NRXN1: variants seen among roughly 807,000 people sequenced by gnomAD.
NRXN1 encodes the protein neurexin 1.
In NRXN1, 39 loss-of-function variants were observed where a neutral mutation model predicts 150.9. That is an observed-to-expected ratio of 0.26 (90% confidence interval 0.20 to 0.34). The LOEUF is 0.34. Among genes scored for constraint, NRXN1 ranks in the 10% least tolerant of loss-of-function variants. NRXN1 has a pLI of 1.00. For missense variants in NRXN1, 1,815 were observed against 1,949.9 expected (o/e 0.93, Z 1.30); for synonymous variants, 924 against 757.0 (o/e 1.22, Z -3.62).
chr2:50,305,650 T>C (rs1296243571), intron 17 of NRXN1, among the ~76,000 whole-genome samples: 1 of 152,198 alleles, frequency 6.6e-6, no homozygotes, highest in African/African-American at 2.4e-5. Context: ...AAATGACAAG[T>C]TGATTGCTAA....
At chr2:50,435,135 G>A (rs13390864) in intron 17 of NRXN1, among the ~76,000 whole-genome samples, 37,526 of 151,878 alleles carry the variant, frequency 0.25, 4,978 homozygotes, top group East Asian at 0.39. Context: ...AAAAGTACAC[G>A]GTTGCTAAGT....
chr2:50,343,133 G>T (rs916172797), intron 17 of NRXN1, among the ~76,000 whole-genome samples: 3 of 152,144 alleles, frequency 2.0e-5, no homozygotes, highest in Admixed American at 6.5e-5. Context: ...GCTAATCATG[G>T]CAATATAATT....
chr2:50,046,836 C>G (rs1691884267), intron 21 of NRXN1, among the ~76,000 whole-genome samples: 1 of 152,172 alleles, frequency 6.6e-6, no homozygotes, highest in Admixed American at 6.6e-5. Flanking sequence ...AGGGCCTCAT[C>G]ATCTGATCAT....
chr2:50,585,941 C>T (rs1421860700), intron 8 of NRXN1, among the ~76,000 whole-genome samples: 1 of 152,174 alleles, frequency 6.6e-6, no homozygotes, highest in Middle Eastern at 3.2e-3. Flanking sequence ...TTCTGGTAGG[C>T]AACAACCATT....
rs906564872 is a variant in NRXN1, at chr2:50,612,571, T to C, written c.1320+7451A>G. ...TTTATGAGAAATAAAAAATGCTTAA[T>C]ATGTTATTATTATGCTTTCTCTGGA... On this transcript the variant is annotated intron_variant, in intron 8 of 22. Transcript: ENST00000401669. 3.3e-5 allele frequency among the ~76,000 whole-genome samples: 5 copies of C among 152,316 alleles called. No individual in the cohort carries two copies. In the South Asian group the frequency reaches 1.0e-3, roughly 32 times the overall value.
At chr2:50,468,148 T>G (rs1323095019) in intron 16 of NRXN1, among the ~76,000 whole-genome samples, 1 of 151,580 alleles carries the variant, frequency 6.6e-6, no homozygotes, top group Non-Finnish European at 1.5e-5. Flanking sequence ...GAAGAAAAGG[T>G]CAGAAGCAAG....
chr2:50,131,486 C>T (rs938336207), intron 18 of NRXN1, among the ~76,000 whole-genome samples: 2 of 152,086 alleles, frequency 1.3e-5, no homozygotes, highest in East Asian at 1.9e-4. Flanking sequence ...CATTAAGATG[C>T]GAATGACTCT....
At chr2:50,622,512 T>C (rs905790252) in intron 6 of NRXN1, among the ~76,000 whole-genome samples, 1 of 152,146 alleles carries the variant, frequency 6.6e-6, no homozygotes, top group African/African-American at 2.4e-5. Flanking sequence ...TTTCACATAA[T>C]ACCCAAAACT....
intron 18 of NRXN1, among the ~76,000 whole-genome samples, chr2:50,178,264 C>T (rs2060472488): frequency 1.3e-5 from 2 of 151,966 alleles, no homozygotes; most frequent in Admixed American, 1.3e-4. Flanking sequence ...CTGGATGGCA[C>T]TGCACAAGAG....
chr2:50,180,671 C>G (rs1425382158), intron 18 of NRXN1, among the ~76,000 whole-genome samples: 2 of 152,108 alleles, frequency 1.3e-5, no homozygotes, highest in East Asian at 3.9e-4. Flanking sequence ...AAGCAGAGAC[C>G]AAACCCTTAC....
In NRXN1 at chr2:51,028,210, C is replaced by T; in HGVS notation, c.64G>A (p.Gly22Ser). Residue 22 changes from glycine to serine, a missense_variant, in exon 2 of 23, where the codon GGC becomes AGC. This residue lies in a region of NRXN1 where 554 missense variants were observed against 478.8 expected (regional missense o/e 1.16). Coordinates refer to ENST00000401669, the MANE Select transcript of NRXN1 (RefSeq NM_001330078.2). ...FLLCLSLLLLGCWAELGSGLE... is the reference protein window; with the variant it reads ...FLLCLSLLLLSCWAELGSGLE... ...CCGCTGCCCAGCTCCGCCCAGCAGC[C>T]CAGGAGCAGCAGCGAGAGGCACAGA... is the stretch of plus-strand genomic sequence containing the variant. 1 of 1,484,092 alleles carries T rather than the reference C, an allele frequency of 6.7e-7. No individual in the cohort carries two copies. Among genetic ancestry groups the T allele is most frequent in the Non-Finnish European group, 8.9e-7 (1 of 1,124,168 alleles). The allele number at this position is 1,484,092 out of a possible 1,614,324, so 91.9% of individuals were successfully genotyped here. A position where few individuals can be genotyped will look rare whatever the true frequency, so the allele number is the denominator to read the frequency against.
intron 17 of NRXN1, among the ~76,000 whole-genome samples, chr2:50,371,119 G>A (rs539633284): frequency 6.6e-6 from 1 of 152,092 alleles, no homozygotes; most frequent in East Asian, 1.9e-4. Context: ...TGTCGATTGA[G>A]GGCAGTGTTA....
chr2:50,084,307 G>A (rs1698455409), intron 19 of NRXN1, among the ~76,000 whole-genome samples: 2 of 152,192 alleles, frequency 1.3e-5, no homozygotes, highest in South Asian at 2.1e-4. Flanking sequence ...GGACACTGGG[G>A]AGGGGAGGCT....
At chr2:50,364,772 A>G (rs1357521401) in intron 17 of NRXN1, among the ~76,000 whole-genome samples, 4 of 152,124 alleles carry the variant, frequency 2.6e-5, no homozygotes, top group Non-Finnish European at 4.4e-5. Flanking sequence ...TATGAAAGCA[A>G]TGGATCATGA....
At chr2:50,513,876 C>T (rs2092546591) in intron 12 of NRXN1, among the ~76,000 whole-genome samples, 1 of 151,806 alleles carries the variant, frequency 6.6e-6, no homozygotes, top group Admixed American at 6.6e-5. Flanking sequence ...ATGTATGTGC[C>T]CCAAGTGTAA....
intron 5 of NRXN1, chr2:50,912,762 A>T (rs992812317): frequency 7.0e-6 from 1 of 143,226 alleles, no homozygotes; most frequent in South Asian, 2.3e-4. Flanking sequence ...TAACATGCTT[A>T]AAGTAGTTAA....
At chr2:50,697,266 T>C (rs1287649500) in intron 5 of NRXN1, among the ~76,000 whole-genome samples, 5 of 152,152 alleles carry the variant, frequency 3.3e-5, no homozygotes, top group Non-Finnish European at 2.9e-5. Flanking sequence ...AAAGTTTTTT[T>C]AGAAAAGACT....
At position 50,621,226 on chromosome 2, in the gene NRXN1, C is replaced by A; in HGVS notation, c.1158G>T (p.Met386Ile). 1 of 1,570,532 alleles carries A rather than the reference C, an allele frequency of 6.4e-7. No homozygotes were observed. ...CTACCGAACAATGTAGTTTGTTTAC[C>A]ATAGCGTGTCCAATGCCTGAGTGCT... Reference protein sequence around the residue: ...LRQHSGIGHAMVTISVDGILT... With the variant: ...LRQHSGIGHAIVTISVDGILT... Residue 386 changes from methionine (M) to isoleucine (I), a missense_variant and splice_region_variant, in exon 7 of 23, where the codon ATG (methionine) becomes ATT (isoleucine). Transcript: ENST00000401669.
chr2:50,086,832 GA>G (rs1698845340), intron 19 of NRXN1, among the ~76,000 whole-genome samples: 2 of 147,872 alleles, frequency 1.4e-5, no homozygotes, highest in Non-Finnish European at 2.9e-5. Context: ...GAGAGAGAGA[GA>G]GAGAGAGAGA....
Sources: gnomAD v4.1 joint callset for allele counts (sites outside exome capture counted in the v4.1 genomes callset) on GRCh38, gnomAD v4.1.1 for gene constraint, gnomAD v4.1.1 regional missense constraint, MANE v1.5 for transcripts, NCBI Gene and HGNC (gene_info 2026-07-23, HGNC 2026-07-21) for gene names.